Variants in ST8SIA2 observed in about 807,000 individuals in gnomAD.
ST8SIA2 encodes alpha-2,8-sialyltransferase 8B.
ST8SIA2 carries 22 observed loss-of-function variants against 37.6 expected under a neutral mutation model. That is an observed-to-expected ratio of 0.58 (90% CI 0.42 to 0.83). The LOEUF (loss-of-function observed/expected upper bound fraction) is 0.83, where lower values mean the gene tolerates loss of function less well. Among genes scored for constraint, ST8SIA2 ranks in the 40% least tolerant of loss-of-function variants. ST8SIA2 has a pLI of 0.00. For missense variants in ST8SIA2, 382 were observed against 484.7 expected, an observed-to-expected ratio of 0.79 and a Z score of 1.99; for synonymous variants, 205 against 201.2, an observed-to-expected ratio of 1.02 and a Z score of -0.16.
At chr15:92,416,467 G>T (rs983282808) in intron 1 of ST8SIA2, among the ~76,000 whole-genome samples, 2 of 152,078 alleles carry the variant, frequency 1.3e-5, no homozygotes, top group Non-Finnish European at 2.9e-5. Context: ...GAAAACCGGC[G>T]CGTGCAAAGG....
chr15:92,401,491 G>A (rs2049471246), intron 1 of ST8SIA2, among the ~76,000 whole-genome samples: 1 of 152,186 alleles, frequency 6.6e-6, no homozygotes, highest in Non-Finnish European at 1.5e-5. Context: ...TCGCGACGAT[G>A]GCAAGGAGGA....
At chr15:92,424,460 G>C (rs1205005498) in intron 1 of ST8SIA2, among the ~76,000 whole-genome samples, 1 of 152,130 alleles carries the variant, frequency 6.6e-6, no homozygotes, top group African/African-American at 2.4e-5. Context: ...TTCAGGTTTT[G>C]CTACTTGCTT....
At chr15:92,423,218 C>T (rs1433669756) in intron 1 of ST8SIA2, among the ~76,000 whole-genome samples, 2 of 152,178 alleles carry the variant, frequency 1.3e-5, no homozygotes, top group East Asian at 1.9e-4. Context: ...ACAGATGATG[C>T]TTGCACATTA....
intron 1 of ST8SIA2, among the ~76,000 whole-genome samples, chr15:92,421,585 G>A (rs955348201): frequency 6.6e-6 from 1 of 152,176 alleles, no homozygotes; most frequent in African/African-American, 2.4e-5. Flanking sequence ...AAAACAGATG[G>A]AAGCTTCTAG....
intron 5 of ST8SIA2, among the ~76,000 whole-genome samples, chr15:92,459,766 T>G (rs138226076): frequency 6.6e-6 from 1 of 152,304 alleles, no homozygotes; most frequent in East Asian, 1.9e-4. Flanking sequence ...GCCCAACTAA[T>G]TTTTGTATTT....
intron 5 of ST8SIA2, among the ~76,000 whole-genome samples, chr15:92,447,798 A>G (rs1277231746): frequency 2.0e-5 from 3 of 152,210 alleles, no homozygotes; most frequent in Non-Finnish European, 4.4e-5. Context: ...ACGGGGCTCA[A>G]TGGGGCTACA....
chr15:92,415,251 C>T (rs2049578522), intron 1 of ST8SIA2, among the ~76,000 whole-genome samples: 1 of 151,830 alleles, frequency 6.6e-6, no homozygotes. Flanking sequence ...CTGGGTGTTC[C>T]TCCTACTGCT....
chr15:92,394,144 A>T lies in ST8SIA2; in HGVS notation c.80A>T (p.Glu27Val). 4 of 1,557,646 alleles carry T rather than the reference A, an allele frequency of 2.6e-6. No homozygotes were observed. Among genetic ancestry groups the T allele is most frequent in the Non-Finnish European group, 3.5e-6 (4 of 1,149,612 alleles). The change falls in exon 1 of 6, where the codon GAG becomes GTG. Residue 27 changes from glutamate to valine, a missense_variant. Transcript: ENST00000268164. ...TTCCTCATCTTCGCAGACATCTCAG[A>T]GATCGAAGAAGAAATCGGGTAAATA... ...VVFLIFADISEIEEEIGNSGG... is the reference protein window; with the variant it reads ...VVFLIFADISVIEEEIGNSGG...
At chr15:92,421,691 C>T (rs1312369539) in intron 1 of ST8SIA2, among the ~76,000 whole-genome samples, 1 of 152,208 alleles carries the variant, frequency 6.6e-6, no homozygotes, top group Non-Finnish European at 1.5e-5. Flanking sequence ...ACTCTCTTAA[C>T]GTGCTTCCTT....
At chr15:92,414,821 G>A (rs1428568773) in intron 1 of ST8SIA2, among the ~76,000 whole-genome samples, 1 of 152,190 alleles carries the variant, frequency 6.6e-6, no homozygotes, top group Non-Finnish European at 1.5e-5. Context: ...CCCACCACAA[G>A]CTATCGTGGC....
At chr15:92,402,952 G>A (rs560435505) in intron 1 of ST8SIA2, among the ~76,000 whole-genome samples, 15 of 152,248 alleles carry the variant, frequency 9.9e-5, no homozygotes, top group African/African-American at 3.4e-4. Flanking sequence ...CAGAAGAGTT[G>A]GTGCTGTCAG....
chr15:92,444,804 G>C lies in ST8SIA2; in HGVS notation c.717G>C (p.Trp239Cys), dbSNP rs1407194258. Residue 239 changes from tryptophan to cysteine, a missense_variant, in exon 5 of 6, where the codon TGG (tryptophan) becomes TGC (cysteine). Physicochemically the swap from Trp to Cys is radical, Grantham distance 215. Transcript: ENST00000268164. ...RLHSLNGSIL[W>C]IPAFMARGGK... is the part of the protein sequence containing the mutation. ...ACAGCCTCAATGGCAGCATCCTGTG[G>C]ATCCCTGCCTTCATGGCCCGGGGCG... 1 of 1,614,168 alleles carries C rather than the reference G, an allele frequency of 6.2e-7. No homozygotes were observed.
rs78179964 is a variant in ST8SIA2 at position 92,459,085 on chromosome 15, T to C, written c.843-5015T>C. On this transcript the variant is annotated intron_variant, in intron 5 of 5. Coordinates refer to ENST00000268164, the MANE Select transcript of ST8SIA2 (RefSeq NM_006011.4). The stretch of plus-strand genomic sequence containing the variant: ...GCCTGAGTAACCTCAGAAGCACCTA[T>C]GGGCCACTTGGACGTTTCATCGCTG... Among the ~76,000 whole-genome samples, 939 of 152,332 alleles carry C rather than the reference T, an allele frequency of 6.2e-3. 11 individuals are homozygous for C. Among genetic ancestry groups the C allele is most frequent in the East Asian group, 0.039 (203 of 5,184 alleles).
intron 3 of ST8SIA2, among the ~76,000 whole-genome samples, chr15:92,435,867 T>C (rs2049753303): frequency 6.6e-6 from 1 of 152,030 alleles, no homozygotes; most frequent in Admixed American, 6.5e-5. Context: ...CTGTAACAAA[T>C]TACCAACAAC....
intron 1 of ST8SIA2, among the ~76,000 whole-genome samples, chr15:92,396,052 G>A (rs544964310): frequency 3.9e-5 from 6 of 152,252 alleles, no homozygotes; most frequent in African/African-American, 9.6e-5. Flanking sequence ...TACGCACCCC[G>A]GGGACTTGTC....
chr15:92,438,737 A>G (rs1426699780), intron 4 of ST8SIA2, 127 bp downstream of exon 4: 1 of 1,309,264 alleles, frequency 7.6e-7, no homozygotes. Flanking sequence ...GCTCTCAACC[A>G]TGACTGCTCA....
chr15:92,417,976 T>C (rs1445126258), intron 1 of ST8SIA2, among the ~76,000 whole-genome samples: 1 of 152,086 alleles, frequency 6.6e-6, no homozygotes, highest in East Asian at 1.9e-4. Flanking sequence ...CCTCGACATA[T>C]ATTTAGGCAG....
chr15:92,457,042 C>T (rs970255308), intron 5 of ST8SIA2, among the ~76,000 whole-genome samples: 1 of 152,236 alleles, frequency 6.6e-6, no homozygotes, highest in Admixed American at 6.5e-5. Flanking sequence ...GAGGCCTCAA[C>T]AGTGTTCCCA....
chr15:92,441,423 G>A (rs2049800868), intron 4 of ST8SIA2, among the ~76,000 whole-genome samples: 1 of 152,162 alleles, frequency 6.6e-6, no homozygotes, highest in Non-Finnish European at 1.5e-5. Flanking sequence ...GCAAGCGTCA[G>A]CTGCACAAAG....
Sources: gnomAD v4.1 joint callset for allele counts (sites outside exome capture counted in the v4.1 genomes callset) on GRCh38, gnomAD v4.1.1 for gene constraint, MANE v1.5 for transcripts, NCBI Gene and HGNC (gene_info 2026-07-23, HGNC 2026-07-21) for gene names.